Variants in COL20A1 observed in about 807,000 individuals in gnomAD.
The protein encoded by COL20A1 is collagen alpha-1(XX) chain.
A neutral mutation model predicts 152.9 loss-of-function variants in COL20A1; 164 were observed. The observed-to-expected ratio is 1.07, with a 90% CI of 0.94 to 1.22. COL20A1 has a LOEUF of 1.22. Among genes scored for constraint, COL20A1 ranks in the 50% most tolerant of loss-of-function variants. The probability of loss-of-function intolerance (pLI) is 0.00; values close to 1 mark genes in which losing one functional copy is unlikely to be tolerated. For synonymous variants in COL20A1, 864 were observed against 756.0 expected, an observed-to-expected ratio of 1.14 and a Z score of -2.34; for missense variants, 1,873 against 1,744.8, an observed-to-expected ratio of 1.07 and a Z score of -1.31.
chr20:63,295,800 T>C (rs1053703199), intron 2 of COL20A1, among the ~76,000 whole-genome samples: 74 of 152,340 alleles, frequency 4.9e-4, no homozygotes, highest in African/African-American at 1.6e-3. Context: ...TGGGTTTAGA[T>C]TGACTCTAGG....
chr20:63,312,572 TG>T (rs2068023997), intron 15 of COL20A1, 23 bp downstream of exon 15: 2 of 1,550,782 alleles, frequency 1.3e-6, no homozygotes, highest in African/African-American at 1.4e-5. Context: ...AGGCTGGGGC[TG>T]GGGGTCCAGC....
chr20:63,299,237 C>G (rs1263982291), intron 3 of COL20A1, among the ~76,000 whole-genome samples: 1 of 152,184 alleles, frequency 6.6e-6, no homozygotes, highest in Non-Finnish European at 1.5e-5. Context: ...TGCGCCTGTT[C>G]TGGGTGTAAA....
intron 14 of COL20A1, 77 bp from the exon 15 acceptor site, chr20:63,312,343 C>A: frequency 7.0e-7 from 1 of 1,425,674 alleles, no homozygotes; most frequent in Non-Finnish European, 9.2e-7. Flanking sequence ...GCTGCAGGTG[C>A]TGGGCCTGAT....
chr20:63,328,925 A>T (rs764824604), intron 34 of COL20A1, among the ~76,000 whole-genome samples: 1 of 151,336 alleles, frequency 6.6e-6, no homozygotes, highest in East Asian at 2.0e-4. Context: ...GGCTCCCGTG[A>T]CCTTGTTGGT....
At position 63,312,496 on chromosome 20, in the gene COL20A1, C is replaced by G. The variant is rs1351189007; in HGVS notation, c.1880C>G (p.Thr627Ser). ...SSSTTYTVRV[T>S]CLYPGGGSST... ...TCCACCACCTACACTGTCCGTGTCA[C>G]CTGCCTCTACCCTGGGGGTGGCTCC... is the stretch of plus-strand genomic sequence containing the variant. Residue 627 changes from threonine (T) to serine (S), a missense_variant, in exon 15 of 36, where the codon ACC becomes AGC. Coordinates refer to ENST00000358894, the MANE Select transcript of COL20A1 (RefSeq NM_020882.4). 3 of 1,608,664 alleles carry G rather than the reference C, an allele frequency of 1.9e-6. No homozygotes were observed. Among genetic ancestry groups the G allele is most frequent in the African/African-American group, 2.7e-5 (2 of 74,834 alleles).
rs768280305 is a variant in COL20A1 at position 63,309,948 on chromosome 20, C to T, written c.1263+33C>T. On this transcript the variant is annotated intron_variant, in intron 10 of 35. Transcript: ENST00000358894. ...GGCCGGTATACAGGGCTCCCCGAGC[C>T]GGTCCTCAGCCGTAGTGAGATCTGA... 5.7e-5 allele frequency: 89 copies of T among 1,553,982 alleles called. 1 individual carries two copies. Among genetic ancestry groups the T allele is most frequent in the Admixed American group, 9.5e-5 (5 of 52,390 alleles).
chr20:63,316,207 G>A (rs1317107278), intron 20 of COL20A1, among the ~76,000 whole-genome samples: 2 of 152,164 alleles, frequency 1.3e-5, no homozygotes, highest in African/African-American at 4.8e-5. Context: ...GGTGGGAGTT[G>A]GGGCTCATGA....
Position 63,319,400 on chromosome 20 carries a change from C to T in COL20A1, c.2807-87C>T. The T allele has an allele frequency of 2.6e-6, 3 of 1,174,506 alleles. No individual in the cohort carries two copies. The highest frequency in any genetic ancestry group is 3.6e-6 in the Non-Finnish European group (3 of 825,090). 72.8% of individuals were successfully genotyped at this position (1,174,506 alleles called of 1,614,324 possible). On this transcript the variant is annotated intron_variant, in intron 22 of 35. Coordinates refer to ENST00000358894, the MANE Select transcript of COL20A1 (RefSeq NM_020882.4). The surrounding 1 kb of genome is among the most constrained non-coding windows in gnomAD (Gnocchi z 4.4). ...CAGCTTGGCACCCTCAGGGCTGCTC[C>T]TGTCCTGTCGTGGGGGCCGCCCTGC... is the stretch of plus-strand genomic sequence containing the variant.
intron 34 of COL20A1, 164 bp from the exon 35 acceptor site, chr20:63,329,421 A>C: frequency 1.6e-6 from 1 of 616,992 alleles, no homozygotes; most frequent in Non-Finnish European, 2.9e-6. Context: ...TGTGTGGAGC[A>C]CGGGGACCTG....
In COL20A1 at chr20:63,309,516, CGCACAGGCTGCAGCCCCCCCG is replaced by C. The variant is rs966072965; in HGVS notation, c.1105+22_1105+42del. 13 of 1,485,594 alleles carry C rather than the reference CGCACAGGCTGCAGCCCCCCCG, an allele frequency of 8.8e-6. No homozygotes were observed. The African/African-American group carries it at 1.8e-4, about 21-fold the overall frequency. The allele number at this position is 1,485,594 out of a possible 1,614,324, so 92.0% of individuals were successfully genotyped here. On this transcript the variant is annotated intron_variant, in intron 9 of 35. Coordinates refer to ENST00000358894, the MANE Select transcript of COL20A1 (RefSeq NM_020882.4). ...GGCCCAGGTGAGGGGCAGGGTCACCCGCACAGGCTGCAGCCCCCCCGGCTGCTTTGGGCAAAGGGTTGGGGG... is the reference window on the plus strand; with the variant it reads ...GGCCCAGGTGAGGGGCAGGGTCACCCGCTGCTTTGGGCAAAGGGTTGGGGG...
rs1213694329 is a variant in COL20A1 at position 63,326,105 on chromosome 20, GGCCTGGAGGGAACTGCTGGCCT to G, written c.3420_3441del (p.Glu1140AspfsTer55). On this transcript the variant is annotated frameshift_variant, in exon 30 of 36. Coordinates refer to ENST00000358894, the MANE Select transcript of COL20A1 (RefSeq NM_020882.4). LOFTEE classifies it high-confidence loss of function. Reference sequence around the variant, plus strand: ...CTTCCTTTGCCATCAGGGAATGAGAGGCCTGGAGGGAACTGCTGGCCTGCCTGGACCCCCTGGCCCCAGGGTA... The same window carrying G: ...CTTCCTTTGCCATCAGGGAATGAGAGGCCTGGACCCCCTGGCCCCAGGGTA... 6.2e-7 allele frequency: 1 copy of G among 1,612,712 alleles called. No individual in the cohort carries two copies. Among genetic ancestry groups the G allele is most frequent in the African/African-American group, 1.3e-5 (1 of 74,898 alleles).
At chr20:63,296,980 C>A (rs1271159719) in intron 2 of COL20A1, among the ~76,000 whole-genome samples, 1 of 152,240 alleles carries the variant, frequency 6.6e-6, no homozygotes, top group African/African-American at 2.4e-5. Flanking sequence ...CTCTCCAGAG[C>A]CCTGGGAGGT....
At chr20:63,293,328 G>C (rs1009885188) in intron 1 of COL20A1, 53 bp downstream of exon 1, 1 of 152,256 alleles carries the variant, frequency 6.6e-6, no homozygotes, top group South Asian at 2.1e-4. Context: ...GCTGCCAGGA[G>C]ATCCACTCAG....
chr20:63,313,125 C>G lies in COL20A1; in HGVS notation c.2085C>G (p.Val695=). ...LGEGKAHEIS[V]PGNLGTAVLP... ...GGCTCTCCTCTCCCTAGATCTCTGT[C>G]CCAGGGAACCTCGGCACGGCCGTCC... The change falls in exon 17 of 36, where the codon GTC becomes GTG. Residue 695 remains valine (V), a synonymous_variant. Transcript: ENST00000358894. This position sits in a 1 kb window ranked among gnomAD's most constrained non-coding sequence, Gnocchi z 5.9. 1.2e-6 allele frequency: 2 copies of G among 1,608,828 alleles called. No individual in the cohort carries two copies. The highest frequency in any genetic ancestry group is 1.7e-6 in the Non-Finnish European group (2 of 1,178,218).
chr20:63,328,282 G>A (rs769660369), intron 33 of COL20A1, 49 bp from the exon 34 acceptor site: 19 of 1,578,496 alleles, frequency 1.2e-5, no homozygotes, highest in East Asian at 4.6e-5. Flanking sequence ...CACAGGCCTC[G>A]CATCCCCGGG....
At position 63,305,882 on chromosome 20, in the gene COL20A1, T is replaced by G. The variant is rs1328130586; in HGVS notation, c.339T>G (p.Ile113Met). 1 of 1,613,036 alleles carries G rather than the reference T, an allele frequency of 6.2e-7. No homozygotes were observed. The highest frequency in any genetic ancestry group is 8.5e-7 in the Non-Finnish European group (1 of 1,179,776). The change falls in exon 5 of 36, where the codon ATT (isoleucine) becomes ATG (methionine). Residue 113 changes from isoleucine to methionine, a missense_variant and splice_region_variant. Coordinates refer to ENST00000358894, the MANE Select transcript of COL20A1 (RefSeq NM_020882.4). The surrounding 1 kb of genome is among the most constrained non-coding windows in gnomAD (Gnocchi z 4.9). ...ATGGCTCTTTGTGTCTCCCTGCAGTTGAGGATCTGAAGAGTAGCTCCCTGG... is the reference window on the plus strand; with the variant it reads ...ATGGCTCTTTGTGTCTCCCTGCAGTGGAGGATCTGAAGAGTAGCTCCCTGG... ...RFLLARREFVIEDLKSSSLDR... is the reference protein window; with the variant it reads ...RFLLARREFVMEDLKSSSLDR...
chr20:63,317,348 C>G (rs1380584439), intron 21 of COL20A1, among the ~76,000 whole-genome samples: 1 of 151,770 alleles, frequency 6.6e-6, no homozygotes, highest in Non-Finnish European at 1.5e-5. Flanking sequence ...CACCTGTATT[C>G]CCAGCTACTC....
rs1013846451 is a variant in COL20A1, at chr20:63,305,694, G to C, written c.337+134G>C. On this transcript the variant is annotated intron_variant, in intron 4 of 35. Coordinates refer to ENST00000358894, the MANE Select transcript of COL20A1 (RefSeq NM_020882.4). This position sits in a 1 kb window ranked among gnomAD's most constrained non-coding sequence, Gnocchi z 4.9. ...GGTATGTGTGAAGCAGTTCTGGGCT[G>C]TGCTAGGGGCAGGTTCAAGTCCCGA... 2.5e-6 allele frequency: 3 copies of C among 1,187,422 alleles called. No individual in the cohort carries two copies. The highest frequency in any genetic ancestry group is 3.5e-6 in the Non-Finnish European group (3 of 854,320). 73.6% of individuals were successfully genotyped at this position (1,187,422 alleles called of 1,614,324 possible).
At position 63,320,997 on chromosome 20, in the gene COL20A1, G is replaced by T. The variant is rs1325881597; in HGVS notation, c.3154-16G>T. The T allele has an allele frequency of 6.5e-7, 1 of 1,548,316 alleles. No individual in the cohort carries two copies. Among genetic ancestry groups the T allele is most frequent in the East Asian group, 2.4e-5 (1 of 41,568 alleles). On this transcript the variant is annotated splice_polypyrimidine_tract_variant and intron_variant, in intron 25 of 35. Transcript: ENST00000358894. Reference sequence around the variant, plus strand: ...GGAGAGGGTCTCTCTAATGGGCAGGGTCTCTCTTCTTCCAGAGGGATGGAG... The same window carrying T: ...GGAGAGGGTCTCTCTAATGGGCAGGTTCTCTCTTCTTCCAGAGGGATGGAG...
Sources: allele counts gnomAD v4.1 joint callset (sites outside exome capture counted in the v4.1 genomes callset), GRCh38; gene constraint gnomAD v4.1.1; non-coding constraint Gnocchi (gnomAD v3.1); transcripts MANE v1.5; gene names NCBI Gene and HGNC (gene_info 2026-07-23, HGNC 2026-07-21).